The following IFT57 variants were observed in gnomAD, a reference collection of about 807,000 sequenced individuals.
IFT57 encodes the protein intraflagellar transport protein 57 homolog.
In IFT57, 59 loss-of-function variants were observed where a neutral mutation model predicts 56.8. The ratio of observed to expected loss-of-function variants is 1.04; its 90% CI spans 0.84 to 1.29. The LOEUF (loss-of-function observed/expected upper bound fraction) is 1.29, where lower values mean the gene tolerates loss of function less well. Among genes scored for constraint, IFT57 ranks in the 50% most tolerant of loss-of-function variants. The pLI is 0.00. For synonymous variants in IFT57, 209 were observed against 186.1 expected, an observed-to-expected ratio of 1.12 and a Z score of -1.00; for missense variants, 470 against 522.1, an observed-to-expected ratio of 0.90 and a Z score of 0.97.
intron 1 of IFT57, 34 bp downstream of exon 1, chr3:108,222,077 A>G: frequency 6.4e-7 from 1 of 1,563,680 alleles, no homozygotes; most frequent in Non-Finnish European, 8.7e-7. Flanking sequence ...GGGGGCTAGC[A>G]GGCACCCGGG....
rs1415628692 is a variant in IFT57, at chr3:108,161,625, T to C, written c.*852A>G. ...GCTAATTCTGGCACTCTAATGCTGC[T>C]TTTTTCACCAATTTAGAAATCCTAG... On this transcript the variant is annotated 3_prime_UTR_variant, in exon 11 of 11. Coordinates refer to ENST00000264538, the MANE Select transcript of IFT57 (RefSeq NM_018010.4). 6.6e-6 allele frequency: 1 copy of C among 152,110 alleles called. No homozygotes were observed. Among genetic ancestry groups the C allele is most frequent in the Non-Finnish European group, 1.5e-5 (1 of 68,020 alleles). The allele number at this position is 152,110 out of a possible 1,614,324, so 9.4% of individuals were successfully genotyped here. A position where few individuals can be genotyped will look rare whatever the true frequency, so the allele number is the denominator to read the frequency against.
chr3:108,174,076 T>C (rs1294973683), intron 6 of IFT57, among the ~76,000 whole-genome samples: 1 of 150,828 alleles, frequency 6.6e-6, no homozygotes, highest in African/African-American at 2.4e-5. Flanking sequence ...TGGGTACTTT[T>C]AAATTTCTTC....
chr3:108,185,056 G>C (rs2108315228), intron 6 of IFT57, among the ~76,000 whole-genome samples: 1 of 152,166 alleles, frequency 6.6e-6, no homozygotes, highest in African/African-American at 2.4e-5. Context: ...AATGAATCCA[G>C]CATAAGAACC....
chr3:108,218,565 G>C lies in IFT57; in HGVS notation c.464C>G (p.Ala155Gly), dbSNP rs746853250. ...CYVLDCFAEEALKYIGFTWKR... is the reference protein window; with the variant it reads ...CYVLDCFAEEGLKYIGFTWKR... The stretch of plus-strand genomic sequence containing the variant: ...CCAGGTGAAACCAATATATTTCAAT[G>C]CTTCTTCAGCGAAGCAATCAAGAAC... Residue 155 changes from alanine to glycine, a missense_variant, in exon 3 of 11, where the codon GCA becomes GGA. Physicochemically the swap from Ala to Gly is moderately conservative, Grantham distance 60. Coordinates refer to ENST00000264538, the MANE Select transcript of IFT57 (RefSeq NM_018010.4). The C allele has an allele frequency of 2.6e-6, 4 of 1,553,552 alleles. No individual in the cohort carries two copies. The African/African-American group carries it at 5.6e-5, about 22-fold the overall frequency.
At chr3:108,212,607 GCC>G (rs2080348706) in intron 4 of IFT57, among the ~76,000 whole-genome samples, 1 of 152,006 alleles carries the variant, frequency 6.6e-6, no homozygotes, top group African/African-American at 2.4e-5. Flanking sequence ...CTTACCCAGC[GCC>G]TCAAGTATTC....
chr3:108,197,517 A>G (rs1251066816), intron 5 of IFT57, among the ~76,000 whole-genome samples: 1 of 152,228 alleles, frequency 6.6e-6, no homozygotes, highest in Non-Finnish European at 1.5e-5. Flanking sequence ...TACAGTGTTA[A>G]AAGCCTACTT....
At chr3:108,211,051 T>C (rs903717028) in intron 4 of IFT57, among the ~76,000 whole-genome samples, 2 of 152,226 alleles carry the variant, frequency 1.3e-5, no homozygotes, top group Non-Finnish European at 2.9e-5. Flanking sequence ...TTTGATTTTA[T>C]GGTCAAATAT....
At chr3:108,217,847 A>G (rs913803712) in intron 3 of IFT57, among the ~76,000 whole-genome samples, 5 of 151,876 alleles carry the variant, frequency 3.3e-5, no homozygotes, top group African/African-American at 7.2e-5. Context: ...TAATCTCTAT[A>G]AATTGAGTTT....
chr3:108,213,846 C>T, intron 4 of IFT57, 85 bp downstream of exon 4: 1 of 734,836 alleles, frequency 1.4e-6, no homozygotes, highest in South Asian at 1.8e-5. Context: ...AAATATATTC[C>T]AGATAATGGA....
chr3:108,165,674 T>C (rs933215246), intron 8 of IFT57, among the ~76,000 whole-genome samples, 181 bp from the exon 9 acceptor site: 1 of 152,098 alleles, frequency 6.6e-6, no homozygotes, highest in Admixed American at 6.6e-5. Flanking sequence ...ATAGGCAGCA[T>C]GTATTTAACT....
Position 108,214,007 on chromosome 3 carries a change from A to T in IFT57, c.509T>A (p.Val170Glu), listed in dbSNP as rs779451512. 1.3e-6 allele frequency: 2 copies of T among 1,597,114 alleles called. No homozygotes were observed. Among genetic ancestry groups the T allele is most frequent in the East Asian group, 4.5e-5 (2 of 44,680 alleles). Residue 170 changes from valine (V) to glutamate (E), a missense_variant, in exon 4 of 11, where the codon GTA (valine) becomes GAA (glutamate). By Grantham distance (121) the Val-to-Glu change is moderately radical. Transcript: ENST00000264538. ...AACGCTTTCTTCTTCTAATTCTTCT[A>T]CTGGGTATATTGGCCTAAAATAATA... ...GFTWKRPIYP[V>E]EELEEESVAE...
chr3:108,220,351 T>C (rs903231812), intron 1 of IFT57, among the ~76,000 whole-genome samples: 4 of 152,224 alleles, frequency 2.6e-5, no homozygotes, highest in Non-Finnish European at 4.4e-5. Context: ...ATCAAAGATC[T>C]TATTTGTCTT....
chr3:108,220,088 T>C (rs764457796), intron 1 of IFT57, among the ~76,000 whole-genome samples: 7 of 152,234 alleles, frequency 4.6e-5, no homozygotes, highest in Non-Finnish European at 7.3e-5. Flanking sequence ...CATTGCTTCT[T>C]CCCTCATGAA....
chr3:108,206,448 C>A (rs1485153134), intron 5 of IFT57, among the ~76,000 whole-genome samples, 180 bp downstream of exon 5: 1 of 151,886 alleles, frequency 6.6e-6, no homozygotes, highest in African/African-American at 2.4e-5. Context: ...CTCACTCACT[C>A]CTCTGGATTT....
intron 6 of IFT57, among the ~76,000 whole-genome samples, chr3:108,176,216 C>A (rs957560620): frequency 2.6e-5 from 4 of 151,824 alleles, no homozygotes; most frequent in East Asian, 1.9e-4. Flanking sequence ...AGGGCGCTTA[C>A]GGCTCCATTT....
At chr3:108,186,503 T>C (rs2080183480) in intron 6 of IFT57, among the ~76,000 whole-genome samples, 1 of 152,122 alleles carries the variant, frequency 6.6e-6, no homozygotes. Flanking sequence ...GAAAACAAAT[T>C]TGATACTGGA....
chr3:108,198,751 A>T (rs1023064279), intron 5 of IFT57, among the ~76,000 whole-genome samples: 2 of 151,838 alleles, frequency 1.3e-5, no homozygotes, highest in Non-Finnish European at 2.9e-5. Context: ...TCGTGTTTTT[A>T]TTTTATTTTT....
At chr3:108,189,466 T>C (rs1219360740) in intron 6 of IFT57, among the ~76,000 whole-genome samples, 3 of 152,192 alleles carry the variant, frequency 2.0e-5, no homozygotes, top group Non-Finnish European at 4.4e-5. Flanking sequence ...TAAGATTTTT[T>C]GGTTTTTTTG....
rs903051109 is a variant in IFT57 at position 108,214,010 on chromosome 3, G to A, written c.506C>T (p.Pro169Leu). The change falls in exon 4 of 11, where the codon CCA becomes CTA. Residue 169 changes from proline to leucine, a missense_variant. Physicochemically the swap from Pro to Leu is moderately conservative, Grantham distance 98. Transcript: ENST00000264538. ...GCTTTCTTCTTCTAATTCTTCTACT[G>A]GGTATATTGGCCTAAAATAATAAGA... ...IGFTWKRPIY[P>L]VEELEEESVA... The A allele has an allele frequency of 1.6e-5, 26 of 1,588,824 alleles. No individual in the cohort carries two copies. The Admixed American group carries it at 2.8e-4, about 17-fold the overall frequency.
Sources: allele counts gnomAD v4.1 joint callset (sites outside exome capture counted in the v4.1 genomes callset), GRCh38; gene constraint gnomAD v4.1.1; transcripts MANE v1.5; gene names NCBI Gene and HGNC (gene_info 2026-07-23, HGNC 2026-07-21).